Variants in CBLB observed in about 807,000 individuals in gnomAD.
The protein encoded by CBLB is Cbl proto-oncogene B.
Under a neutral mutation model 104.9 loss-of-function variants are expected in CBLB, and 31 were observed. The observed-to-expected ratio is 0.30, with a 90% CI of 0.22 to 0.40. The LOEUF (loss-of-function observed/expected upper bound fraction) is 0.40, where lower values mean the gene tolerates loss of function less well. Among genes scored for constraint, CBLB ranks in the 10% least tolerant of loss-of-function variants. CBLB has a pLI of 1.00. For missense variants in CBLB, 1,062 were observed against 1,214.6 expected (o/e 0.87, Z 1.87); for synonymous variants, 440 against 422.6 (o/e 1.04, Z -0.51).
chr3:105,754,964 T>C (rs952253919), intron 4 of CBLB, among the ~76,000 whole-genome samples: 1 of 151,888 alleles, frequency 6.6e-6, no homozygotes, highest in Non-Finnish European at 1.5e-5. Context: ...CTAGTCTGTC[T>C]ACCAAAAAAC....
intron 4 of CBLB, among the ~76,000 whole-genome samples, chr3:105,768,249 A>C (rs2078447843): frequency 6.6e-6 from 1 of 152,226 alleles, no homozygotes; most frequent in Non-Finnish European, 1.5e-5. Flanking sequence ...AATAACACTA[A>C]TGGGAAAAAT....
intron 10 of CBLB, among the ~76,000 whole-genome samples, chr3:105,715,556 C>T (rs1033637802): frequency 6.6e-6 from 1 of 152,132 alleles, no homozygotes; most frequent in African/African-American, 2.4e-5. Flanking sequence ...GGCAGCATTA[C>T]TCATTTAAAG....
At chr3:105,801,860 C>G (rs78622940) in intron 3 of CBLB, among the ~76,000 whole-genome samples, 3,363 of 152,306 alleles carry the variant, frequency 0.022, 85 homozygotes, top group East Asian at 0.12. Context: ...TCCAGCCTGT[C>G]AACACGACAC....
In CBLB at chr3:105,781,560, A is replaced by T. The variant is rs2080256642; in HGVS notation, c.420-5018T>A. On this transcript the variant is annotated intron_variant, in intron 3 of 18. Transcript: ENST00000394030. ...GATGAATTAAATGAATAAATAAATA[A>T]AAGAAATAGAAAATATATCAAGATT... is the stretch of plus-strand genomic sequence containing the variant. 9.2e-5 allele frequency among the ~76,000 whole-genome samples: 14 copies of T among 152,320 alleles called. No homozygotes were observed. In the South Asian group the frequency reaches 2.9e-3, roughly 32 times the overall value.
At chr3:105,852,843 G>A (rs1366610200) in intron 3 of CBLB, among the ~76,000 whole-genome samples, 2 of 151,576 alleles carry the variant, frequency 1.3e-5, no homozygotes, top group South Asian at 2.1e-4. Context: ...TCAGCCTCCC[G>A]AGTAGCTGGG....
At chr3:105,706,872 C>A (rs1320382944) in intron 10 of CBLB, among the ~76,000 whole-genome samples, 2 of 152,158 alleles carry the variant, frequency 1.3e-5, no homozygotes, top group Non-Finnish European at 2.9e-5. Context: ...GCAAAGACTG[C>A]TGAATGAGAC....
chr3:105,744,553 T>C (rs1191378665), intron 6 of CBLB, among the ~76,000 whole-genome samples: 2 of 152,100 alleles, frequency 1.3e-5, no homozygotes, highest in Non-Finnish European at 2.9e-5. Context: ...AAATACACTA[T>C]ATAAATTCTT....
chr3:105,810,745 G>A (rs1172162959), intron 3 of CBLB, among the ~76,000 whole-genome samples: 1 of 152,008 alleles, frequency 6.6e-6, no homozygotes. Context: ...AAATTAGTTT[G>A]ATTTTTAAAA....
intron 3 of CBLB, among the ~76,000 whole-genome samples, chr3:105,842,662 C>G (rs531096901): frequency 6.6e-6 from 1 of 152,202 alleles, no homozygotes; most frequent in Non-Finnish European, 1.5e-5. Flanking sequence ...AAGACAGACA[C>G]GTGTGGAGTT....
At chr3:105,714,805 T>C (rs984867798) in intron 10 of CBLB, among the ~76,000 whole-genome samples, 3 of 152,166 alleles carry the variant, frequency 2.0e-5, no homozygotes, top group African/African-American at 7.2e-5. Context: ...TTAGATGACA[T>C]GTTACATTTC....
At chr3:105,818,612 T>TA (rs1273607258) in intron 3 of CBLB, among the ~76,000 whole-genome samples, 1 of 152,148 alleles carries the variant, frequency 6.6e-6, no homozygotes, top group Non-Finnish European at 1.5e-5. Context: ...TTTTACTTTT[T>TA]ATAGTAAGTA....
chr3:105,759,592 G>A (rs888730678), intron 4 of CBLB, among the ~76,000 whole-genome samples: 1 of 152,224 alleles, frequency 6.6e-6, no homozygotes, highest in African/African-American at 2.4e-5. Context: ...TGCGGTGGCA[G>A]GGGGCTGGCA....
intron 3 of CBLB, among the ~76,000 whole-genome samples, chr3:105,799,834 T>C (rs976760423): frequency 1.3e-5 from 2 of 152,204 alleles, no homozygotes; most frequent in African/African-American, 4.8e-5. Flanking sequence ...ATAGGATACA[T>C]GAACGTTTCT....
At chr3:105,853,770 TA>T in intron 2 of CBLB, 106 bp from the exon 3 acceptor site, 1 of 763,582 alleles carries the variant, frequency 1.3e-6, no homozygotes, top group Non-Finnish European at 2.1e-6. Context: ...ATAATATAAA[TA>T]ATGATCTTAA....
intron 18 of CBLB, among the ~76,000 whole-genome samples, chr3:105,660,966 C>CT (rs35803625): frequency 1.8e-3 from 263 of 142,942 alleles, no homozygotes; most frequent in Middle Eastern, 3.6e-3. Flanking sequence ...ATGTCTTCTT[C>CT]TTTTTTTTTT....
chr3:105,744,541 T>C (rs1251343461), intron 6 of CBLB, among the ~76,000 whole-genome samples: 1 of 152,144 alleles, frequency 6.6e-6, no homozygotes, highest in African/African-American at 2.4e-5. Flanking sequence ...AGCTCCTTTT[T>C]CAAATACACT....
intron 17 of CBLB, chr3:105,672,911 C>G (rs2065217666): frequency 6.6e-6 from 1 of 151,794 alleles, no homozygotes; most frequent in Non-Finnish European, 1.5e-5. Flanking sequence ...GACATATTAA[C>G]TGGAAAATGG....
chr3:105,660,982 T>A (rs1444582483), intron 18 of CBLB, among the ~76,000 whole-genome samples: 3 of 136,214 alleles, frequency 2.2e-5, no homozygotes, highest in African/African-American at 8.2e-5. Context: ...TTTTTTTTTT[T>A]AAATGAGATG....
intron 10 of CBLB, among the ~76,000 whole-genome samples, chr3:105,719,244 CCTTT>C (rs1290895477): frequency 6.6e-6 from 1 of 152,162 alleles, no homozygotes; most frequent in Non-Finnish European, 1.5e-5. Context: ...TTAATAATTT[CCTTT>C]CTTAAATTTT....
Sources: gnomAD v4.1 joint callset for allele counts (sites outside exome capture counted in the v4.1 genomes callset) on GRCh38, gnomAD v4.1.1 for gene constraint, MANE v1.5 for transcripts, NCBI Gene and HGNC (gene_info 2026-07-23, HGNC 2026-07-21) for gene names.